The following GPC5 variants were observed in gnomAD, a reference collection of about 807,000 sequenced individuals.
GPC5 encodes the protein glypican-5.
GPC5 carries 47 observed loss-of-function variants against 53.9 expected under a neutral mutation model. The observed-to-expected ratio is 0.87, with a 90% confidence interval of 0.69 to 1.11. GPC5 has a LOEUF of 1.11. Ranked by LOEUF, GPC5 falls within the 50% of genes most tolerant of loss-of-function variation. The pLI is 0.00. For missense variants in GPC5, 748 were observed against 713.1 expected, an observed-to-expected ratio of 1.05 and a Z score of -0.56; for synonymous variants, 286 against 263.3, an observed-to-expected ratio of 1.09 and a Z score of -0.84.
chr13:91,433,972 C>A (rs1362866965), intron 1 of GPC5, among the ~76,000 whole-genome samples: 3 of 152,064 alleles, frequency 2.0e-5, no homozygotes, highest in African/African-American at 7.2e-5. Flanking sequence ...CATTTTTTCA[C>A]GTGTCTTTTG....
At chr13:92,443,626 T>G (rs931949033) in intron 7 of GPC5, among the ~76,000 whole-genome samples, 2 of 152,158 alleles carry the variant, frequency 1.3e-5, no homozygotes, top group African/African-American at 4.8e-5. Flanking sequence ...ACATATGTGG[T>G]TGCAAATAGT....
chr13:91,860,658 T>C (rs1469554465), intron 5 of GPC5, among the ~76,000 whole-genome samples: 3 of 151,870 alleles, frequency 2.0e-5, no homozygotes, highest in African/African-American at 7.2e-5. Flanking sequence ...TGCACCAGCA[T>C]GTCCAGCCAA....
intron 7 of GPC5, among the ~76,000 whole-genome samples, chr13:92,664,809 C>A (rs1307140745): frequency 1.3e-5 from 2 of 152,082 alleles, no homozygotes; most frequent in East Asian, 3.9e-4. Context: ...TTTCATCCAG[C>A]AATGGCACCA....
rs9560995 is a variant in GPC5 at position 92,243,775 on chromosome 13, G to A, written c.1561+98786G>A. ...GATGTCTGTGTTAAAGATATAAATT[G>A]GGTTGTCTATAGATACTTTTTAAAA... On this transcript the variant is annotated intron_variant, in intron 7 of 7. Transcript: ENST00000377067. Among the ~76,000 whole-genome samples, 903 of 152,234 alleles carry A rather than the reference G, an allele frequency of 5.9e-3. 15 individuals carry two copies. Among genetic ancestry groups the A allele is most frequent in the South Asian group, 0.042 (200 of 4,818 alleles).
At chr13:92,738,664 G>A (rs1889005031) in intron 7 of GPC5, among the ~76,000 whole-genome samples, 1 of 152,068 alleles carries the variant, frequency 6.6e-6, no homozygotes, top group East Asian at 1.9e-4. Flanking sequence ...CGTAACTTAA[G>A]ACAGTTCTTT....
At chr13:92,086,447 T>C (rs564188963) in intron 6 of GPC5, among the ~76,000 whole-genome samples, 1 of 152,354 alleles carries the variant, frequency 6.6e-6, no homozygotes, top group East Asian at 1.9e-4. Context: ...CCCACATTCA[T>C]TGCCTCATCA....
At chr13:91,480,663 T>G (rs1883250504) in intron 2 of GPC5, among the ~76,000 whole-genome samples, 1 of 152,192 alleles carries the variant, frequency 6.6e-6, no homozygotes, top group South Asian at 2.1e-4. Flanking sequence ...AACAGGATAT[T>G]TAAGAATTGA....
chr13:91,477,603 T>A (rs1883004425), intron 2 of GPC5, among the ~76,000 whole-genome samples: 1 of 152,128 alleles, frequency 6.6e-6, no homozygotes, highest in Non-Finnish European at 1.5e-5. Flanking sequence ...GAGAGTGACC[T>A]TTTCAGGTAA....
chr13:91,547,406 T>C (rs1429173515), intron 2 of GPC5, among the ~76,000 whole-genome samples: 1 of 152,032 alleles, frequency 6.6e-6, no homozygotes, highest in African/African-American at 2.4e-5. Flanking sequence ...ATAACCTAGA[T>C]GAAATGGACC....
At chr13:92,697,503 C>T (rs1247215625) in intron 7 of GPC5, among the ~76,000 whole-genome samples, 1 of 151,482 alleles carries the variant, frequency 6.6e-6, no homozygotes, top group African/African-American at 2.4e-5. Flanking sequence ...TTTGTCTGCT[C>T]TTAGTGTATA....
intron 2 of GPC5, among the ~76,000 whole-genome samples, chr13:91,589,278 A>G (rs972670951): frequency 7.9e-5 from 12 of 151,846 alleles, no homozygotes; most frequent in African/African-American, 2.4e-4. Context: ...TAAGTATTGT[A>G]TATTTCTTGG....
chr13:92,754,656 C>T (rs555232262), intron 7 of GPC5, among the ~76,000 whole-genome samples: 1 of 150,284 alleles, frequency 6.7e-6, no homozygotes, highest in South Asian at 2.1e-4. Flanking sequence ...AAATGGAAAA[C>T]AAAAAAAGGC....
At chr13:92,522,061 C>T (rs1881075765) in intron 7 of GPC5, among the ~76,000 whole-genome samples, 1 of 152,168 alleles carries the variant, frequency 6.6e-6, no homozygotes, top group Non-Finnish European at 1.5e-5. Context: ...ATCAAAACTA[C>T]AATGAGATAC....
At chr13:91,721,346 G>C (rs1296338769) in intron 3 of GPC5, among the ~76,000 whole-genome samples, 1 of 152,062 alleles carries the variant, frequency 6.6e-6, no homozygotes, top group Non-Finnish European at 1.5e-5. Context: ...TGTTGGCCAG[G>C]CTGGTGTCGA....
chr13:91,714,550 A>G lies in GPC5; in HGVS notation c.1021-13982A>G, dbSNP rs181296483. 1.9e-3 allele frequency among the ~76,000 whole-genome samples: 287 copies of G among 152,322 alleles called. 2 individuals are homozygous for G. Among genetic ancestry groups the G allele is most frequent in the Middle Eastern group, 3.4e-3 (1 of 292 alleles). On this transcript the variant is annotated intron_variant, in intron 3 of 7. Transcript: ENST00000377067. The stretch of plus-strand genomic sequence containing the variant: ...TTTTAAATATACTATCTTTATGTTT[A>G]GAAATAGATACTATATATAAATGTG...
chr13:91,982,293 C>T (rs1277210060), intron 6 of GPC5, among the ~76,000 whole-genome samples: 1 of 151,716 alleles, frequency 6.6e-6, no homozygotes, highest in Non-Finnish European at 1.5e-5. Context: ...GGGGATGATC[C>T]CACAAATATA....
chr13:92,219,561 A>AT (rs937026539), intron 7 of GPC5, among the ~76,000 whole-genome samples: 5 of 151,412 alleles, frequency 3.3e-5, no homozygotes, highest in East Asian at 1.9e-4. Flanking sequence ...CCCCTCCCCC[A>AT]TTTTTTTTGC....
intron 7 of GPC5, among the ~76,000 whole-genome samples, chr13:92,640,921 C>T (rs1048861947): frequency 1.4e-5 from 2 of 143,086 alleles, no homozygotes; most frequent in African/African-American, 2.6e-5. Context: ...GGAAATAGAA[C>T]GTTACTTTCA....
chr13:92,660,115 A>T (rs1350391001), intron 7 of GPC5, among the ~76,000 whole-genome samples: 1 of 152,190 alleles, frequency 6.6e-6, no homozygotes, highest in East Asian at 1.9e-4. Context: ...TACCACTCTT[A>T]AGAATTTCCT....
Sources: gnomAD v4.1 joint callset for allele counts (sites outside exome capture counted in the v4.1 genomes callset) on GRCh38, gnomAD v4.1.1 for gene constraint, MANE v1.5 for transcripts, NCBI Gene and HGNC (gene_info 2026-07-23, HGNC 2026-07-21) for gene names.